The following PPP1CB variants were observed in gnomAD, a reference collection of about 807,000 sequenced individuals.
The protein encoded by PPP1CB is protein phosphatase 1 catalytic subunit beta.
A neutral mutation model predicts 43.7 loss-of-function variants in PPP1CB; 2 were observed. That is an observed-to-expected ratio of 0.05 (90% CI 0.02 to 0.14). The LOEUF is 0.14. Among genes scored for constraint, PPP1CB ranks in the 10% least tolerant of loss-of-function variants. The pLI is 1.00. For synonymous variants in PPP1CB, 136 were observed against 135.6 expected (o/e 1.00, Z -0.02); for missense variants, 84 against 398.0 (o/e 0.21, Z 6.71).
At chr2:28,768,396 G>C (rs1416093506) in intron 1 of PPP1CB, among the ~76,000 whole-genome samples, 2 of 152,128 alleles carry the variant, frequency 1.3e-5, no homozygotes, top group African/African-American at 4.8e-5. Context: ...TCTGCAGTCA[G>C]GTCCCTCTAA....
At chr2:28,778,540 C>T (rs768838458) in intron 2 of PPP1CB, 9 of 492,328 alleles carry the variant, frequency 1.8e-5, no homozygotes, top group East Asian at 9.0e-5. Context: ...TTCTTTGCTA[C>T]GTGGGATGCT....
chr2:28,751,807 C>G, upstream of PPP1CB: 1 of 447,398 alleles, frequency 2.2e-6, no homozygotes, highest in Non-Finnish European at 4.1e-6. Context: ...CGGGTGGGGC[C>G]GTCGGCGGCG....
intron 1 of PPP1CB, among the ~76,000 whole-genome samples, chr2:28,752,883 T>C (rs1236578139): frequency 6.6e-6 from 1 of 152,246 alleles, no homozygotes; most frequent in Non-Finnish European, 1.5e-5. Context: ...GCATTTGATT[T>C]GAGCAGAGCT....
At chr2:28,767,141 A>G (rs921812917) in intron 1 of PPP1CB, among the ~76,000 whole-genome samples, 2 of 152,132 alleles carry the variant, frequency 1.3e-5, no homozygotes, top group Non-Finnish European at 2.9e-5. Flanking sequence ...TTCCAATCAG[A>G]TACAATTTAA....
rs2148048861 is a variant in PPP1CB, at chr2:28,776,893, C to T, written c.95C>T (p.Ala32Val). The change falls in exon 2 of 8, where the codon GCA (alanine) becomes GTA (valine). Residue 32 changes from alanine (A) to valine (V), a missense_variant. Ala to Val is a moderately conservative substitution (Grantham distance 64). This residue lies in a region of PPP1CB where 27 missense variants were observed against 42.7 expected (regional missense o/e 0.63). Transcript: ENST00000395366. ...GGAAAGATTGTGCAGATGACTGAAG[C>T]AGAAGTTCGAGGCTTATGTATCAAG... ...RPGKIVQMTE[A>V]EVRGLCIKSR... The T allele has an allele frequency of 6.2e-7, 1 of 1,613,020 alleles. No homozygotes were observed. The highest frequency in any genetic ancestry group is 1.7e-5 in the Admixed American group (1 of 59,994).
chr2:28,779,142 A>G, intron 3 of PPP1CB, 103 bp downstream of exon 3: 2 of 870,662 alleles, frequency 2.3e-6, no homozygotes, highest in Non-Finnish European at 3.4e-6. Context: ...TCAAAATAAG[A>G]TCTGTCAGGC....
intron 6 of PPP1CB, among the ~76,000 whole-genome samples, chr2:28,791,395 A>G (rs1460164352): frequency 1.3e-5 from 2 of 151,882 alleles, no homozygotes; most frequent in Non-Finnish European, 2.9e-5. Flanking sequence ...CAGTGGCACC[A>G]TCTCGGCTCG....
chr2:28,796,519 C>T (rs1667500787), intron 7 of PPP1CB, among the ~76,000 whole-genome samples: 1 of 151,894 alleles, frequency 6.6e-6, no homozygotes, highest in African/African-American at 2.4e-5. Context: ...TAGCTGTATT[C>T]CTTGATATTC....
rs1196732614 is a variant in PPP1CB, at chr2:28,799,950, G to C, written c.*647G>C. The C allele has an allele frequency of 6.6e-6, 1 of 152,372 alleles. No individual in the cohort carries two copies. Among genetic ancestry groups the C allele is most frequent in the Non-Finnish European group, 1.5e-5 (1 of 67,922 alleles). 9.4% of individuals were successfully genotyped at this position (152,372 alleles called of 1,614,324 possible). ...TCCAGTGATTTTAATCATACAGTTT[G>C]ACTGGGCAAACTTTACAGCTGATAG... On this transcript the variant is annotated 3_prime_UTR_variant, in exon 8 of 8. Coordinates refer to ENST00000395366, the MANE Select transcript of PPP1CB (RefSeq NM_002709.3).
In PPP1CB at chr2:28,780,174, C is replaced by T. The variant is rs373627973; in HGVS notation, c.415+1135C>T. Among the ~76,000 whole-genome samples, 19 of 150,910 alleles carry T rather than the reference C, an allele frequency of 1.3e-4. No homozygotes were observed. In the East Asian group the frequency reaches 3.1e-3, roughly 25 times the overall value. ...CACGATCTCAGCTCACTGCAACCTC[C>T]GCCTCCCGGGTTCAAGCGATTCTCC... is the stretch of plus-strand genomic sequence containing the variant. On this transcript the variant is annotated intron_variant, in intron 3 of 7. Coordinates refer to ENST00000395366, the MANE Select transcript of PPP1CB (RefSeq NM_002709.3).
chr2:28,769,005 G>A (rs1289751315), intron 1 of PPP1CB, among the ~76,000 whole-genome samples: 2 of 152,314 alleles, frequency 1.3e-5, no homozygotes, highest in African/African-American at 4.8e-5. Context: ...ACATATTAAA[G>A]AAGCTGTGTG....
At chr2:28,752,786 AT>A (rs1433604677) in intron 1 of PPP1CB, among the ~76,000 whole-genome samples, 1 of 152,268 alleles carries the variant, frequency 6.6e-6, no homozygotes, top group East Asian at 1.9e-4. Flanking sequence ...GCCTAAAAAA[AT>A]TGTAAGACAA....
intron 1 of PPP1CB, among the ~76,000 whole-genome samples, chr2:28,759,725 C>G (rs1666596258): frequency 6.6e-6 from 1 of 151,348 alleles, no homozygotes; most frequent in South Asian, 2.1e-4. Context: ...TCAAGTGATT[C>G]TCCTGCCTCA....
At chr2:28,780,359 G>A (rs1207421302) in intron 3 of PPP1CB, among the ~76,000 whole-genome samples, 1 of 152,122 alleles carries the variant, frequency 6.6e-6, no homozygotes, top group Non-Finnish European at 1.5e-5. Flanking sequence ...CCAGAGTGCT[G>A]GGATTACAGG....
At chr2:28,783,145 A>G (rs1161402020) in intron 4 of PPP1CB, among the ~76,000 whole-genome samples, 1 of 152,206 alleles carries the variant, frequency 6.6e-6, no homozygotes, top group Non-Finnish European at 1.5e-5. Context: ...TTATGACTTC[A>G]TGAAGATAAT....
intron 1 of PPP1CB, among the ~76,000 whole-genome samples, chr2:28,763,491 C>A (rs1572447359): frequency 6.6e-6 from 1 of 151,598 alleles, no homozygotes; most frequent in South Asian, 2.1e-4. Context: ...GTCTAGCCCT[C>A]ACCTATATCT....
intron 1 of PPP1CB, among the ~76,000 whole-genome samples, chr2:28,753,991 C>T (rs934816676): frequency 2.6e-5 from 4 of 152,172 alleles, no homozygotes; most frequent in African/African-American, 9.7e-5. Context: ...CCGCTTCAGC[C>T]TCCCAAAGGG....
At chr2:28,780,084 CTTT>C (rs10559224) in intron 3 of PPP1CB, among the ~76,000 whole-genome samples, 13 of 131,792 alleles carry the variant, frequency 9.9e-5, no homozygotes, top group Non-Finnish European at 1.3e-4. Flanking sequence ...TCTTTTCTTT[CTTT>C]TTTTTTTTTT....
At chr2:28,757,180 C>G (rs887024567) in intron 1 of PPP1CB, among the ~76,000 whole-genome samples, 5 of 152,144 alleles carry the variant, frequency 3.3e-5, no homozygotes, top group Non-Finnish European at 5.9e-5. Context: ...ATGTTTTTAA[C>G]ATTCATCTTT....
Sources: allele counts gnomAD v4.1 joint callset (sites outside exome capture counted in the v4.1 genomes callset), GRCh38; gene constraint gnomAD v4.1.1; regional missense constraint gnomAD v4.1.1; transcripts MANE v1.5; gene names NCBI Gene and HGNC (gene_info 2026-07-23, HGNC 2026-07-21).